The following CNTROB variants were observed in gnomAD, a reference collection of about 807,000 sequenced individuals.
CNTROB encodes the protein centrobin, centriole duplication and spindle assembly protein.
CNTROB carries 82 observed loss-of-function variants against 115.7 expected under a neutral mutation model. That is an observed-to-expected ratio of 0.71 (90% CI 0.59 to 0.85). The LOEUF is 0.85. CNTROB is among the 40% of genes least tolerant of loss of function. The pLI, the probability that CNTROB is intolerant of heterozygous loss-of-function variation, is 0.00. For missense variants in CNTROB, 1,014 were observed against 1,144.4 expected (o/e 0.89, Z 1.64); for synonymous variants, 439 against 456.4 (o/e 0.96, Z 0.49).
Position 7,944,158 on chromosome 17 carries a change from A to G in CNTROB, c.1481A>G (p.Gln494Arg). ...CAGGACCTGAGTGGACAGCACCAGC[A>G]GGAGCTGGCCAGTCAGCTAGCTCAG... ...QLQDLSGQHQ[Q>R]ELASQLAQFK... Residue 494 changes from glutamine to arginine, a missense_variant, in exon 11 of 19, where the codon CAG becomes CGG. Transcript: ENST00000563694. The surrounding 1 kb of genome is among the most constrained non-coding windows in gnomAD (Gnocchi z 4.0). The G allele has an allele frequency of 1.2e-6, 2 of 1,605,512 alleles. No homozygotes were observed. Among genetic ancestry groups the G allele is most frequent in the Non-Finnish European group, 1.7e-6 (2 of 1,172,108 alleles).
chr17:7,938,556 T>C (rs1406932202), intron 7 of CNTROB, among the ~76,000 whole-genome samples: 1 of 152,232 alleles, frequency 6.6e-6, no homozygotes, highest in African/African-American at 2.4e-5. Flanking sequence ...GAGTACTTAC[T>C]ATGTGCCTGA....
In CNTROB at chr17:7,932,827, G is replaced by C. The variant is rs1972666474; in HGVS notation, c.-253G>C. 3.8e-6 allele frequency: 2 copies of C among 519,680 alleles called. No individual in the cohort carries two copies. The highest frequency in any genetic ancestry group is 6.8e-6 in the Non-Finnish European group (2 of 293,020). 32.2% of individuals were successfully genotyped at this position (519,680 alleles called of 1,614,324 possible). A position where few individuals can be genotyped will look rare whatever the true frequency, so the allele number is the denominator to read the frequency against. On this transcript the variant is annotated 5_prime_UTR_variant, in exon 1 of 19. Transcript: ENST00000563694. ...TAGGTCTTCTGTCCGCACCCGCTCT[G>C]CGCTGCACCCTCTTAACGCTGTTCC...
At position 7,947,968 on chromosome 17, in the gene CNTROB, C is replaced by G. The variant is rs1974753229; in HGVS notation, c.2198C>G (p.Pro733Arg). ...GAGAACCCTTCTGTCGACCTGTTGCCCCCTAAGTCTGGTGAGTTCCAACTC... is the reference window on the plus strand; with the variant it reads ...GAGAACCCTTCTGTCGACCTGTTGCGCCCTAAGTCTGGTGAGTTCCAACTC... ...NNENPSVDLLPPKSGPLTVPS... is the reference protein window; with the variant it reads ...NNENPSVDLLRPKSGPLTVPS... Residue 733 changes from proline (P) to arginine (R), a missense_variant, in exon 15 of 19, where the codon CCC becomes CGC. By Grantham distance (103) the Pro-to-Arg change is moderately radical (BLOSUM62 -2). Coordinates refer to ENST00000563694, the MANE Select transcript of CNTROB (RefSeq NM_053051.5). The G allele has an allele frequency of 6.2e-7, 1 of 1,613,836 alleles. No homozygotes were observed. Among genetic ancestry groups the G allele is most frequent in the Non-Finnish European group, 8.5e-7 (1 of 1,179,782 alleles).
At chr17:7,946,132 CA>C in intron 13 of CNTROB, 146 bp downstream of exon 13, 1 of 706,768 alleles carries the variant, frequency 1.4e-6, no homozygotes, top group Non-Finnish European at 2.4e-6. Flanking sequence ...GAAATCTGCT[CA>C]CATTGGTCCA....
intron 13 of CNTROB, among the ~76,000 whole-genome samples, chr17:7,947,167 A>AG (rs1421261380): frequency 1.6e-5 from 2 of 124,838 alleles, no homozygotes; most frequent in Non-Finnish European, 3.3e-5. Flanking sequence ...TCTCAAAAAA[A>AG]AAAAAAAAAA....
chr17:7,945,781 G>T lies in CNTROB; in HGVS notation c.1788G>T (p.Glu596Asp). ...GGCCTCAGGAGCCCGAGAAGGAGGA[G>T]AGGAGGGTCTGGACTATGCCTCCCA... ...SPGPQEPEKEERRVWTMPPMA... is the reference protein window; with the variant it reads ...SPGPQEPEKEDRRVWTMPPMA... Residue 596 changes from glutamate to aspartate, a missense_variant, in exon 13 of 19, where the codon GAG (glutamate) becomes GAT (aspartate). Physicochemically the swap from Glu to Asp is conservative, Grantham distance 45. Coordinates refer to ENST00000563694, the MANE Select transcript of CNTROB (RefSeq NM_053051.5). The T allele has an allele frequency of 1.9e-6, 3 of 1,614,224 alleles. No individual in the cohort carries two copies. The South Asian group carries it at 3.3e-5, about 18-fold the overall frequency.
At position 7,936,688 on chromosome 17, in the gene CNTROB, T is replaced by C. The variant is rs1973220356; in HGVS notation, c.712-13T>C. On this transcript the variant is annotated splice_polypyrimidine_tract_variant and intron_variant, in intron 5 of 18. Transcript: ENST00000563694. ...AGTTATTTTGAAATTTCATCTTACTTGCCCTACCTAAGACCCTGGCCCGTG... is the reference window on the plus strand; with the variant it reads ...AGTTATTTTGAAATTTCATCTTACTCGCCCTACCTAAGACCCTGGCCCGTG... 2 of 1,157,538 alleles carry C rather than the reference T, an allele frequency of 1.7e-6. No individual in the cohort carries two copies. Among genetic ancestry groups the C allele is most frequent in the Non-Finnish European group, 2.6e-6 (2 of 762,528 alleles). 71.7% of individuals were successfully genotyped at this position (1,157,538 alleles called of 1,614,324 possible).
intron 1 of CNTROB, 51 bp downstream of exon 1, chr17:7,933,400 C>G (rs1203202287): frequency 6.5e-7 from 1 of 1,535,572 alleles, no homozygotes; most frequent in Admixed American, 2.0e-5. Flanking sequence ...ACCAGAGAGT[C>G]TTGGGATTGG....
rs900139525 is a variant in CNTROB at position 7,936,513 on chromosome 17, C to T, written c.711+31C>T. 3.4e-6 allele frequency: 3 copies of T among 874,630 alleles called. No homozygotes were observed. In the African/African-American group the frequency reaches 4.9e-5, roughly 14 times the overall value. The allele number at this position is 874,630 out of a possible 1,614,324, so 54.2% of individuals were successfully genotyped here. On this transcript the variant is annotated intron_variant, in intron 5 of 18. Coordinates refer to ENST00000563694, the MANE Select transcript of CNTROB (RefSeq NM_053051.5). ...AGGGTAGCAAAATGTGGGTGGGTCT[C>T]TCCATGAAGAGCATTAAGGAATAAT... is the stretch of plus-strand genomic sequence containing the variant.
chr17:7,936,918 C>T, intron 6 of CNTROB, 101 bp downstream of exon 6: 1 of 776,100 alleles, frequency 1.3e-6, no homozygotes, highest in South Asian at 1.5e-5. Context: ...ACAGATTGAC[C>T]TCAGTCTTGT....
In CNTROB at chr17:7,947,647, AC is replaced by A. The variant is rs1483552877; in HGVS notation, c.2072del (p.Pro691LeufsTer7). 2 of 1,613,816 alleles carry A rather than the reference AC, an allele frequency of 1.2e-6. No individual in the cohort carries two copies. Among genetic ancestry groups the A allele is most frequent in the South Asian group, 1.1e-5 (1 of 91,076 alleles). On this transcript the variant is annotated frameshift_variant, in exon 14 of 19. Coordinates refer to ENST00000563694, the MANE Select transcript of CNTROB (RefSeq NM_053051.5). LOFTEE classifies it high-confidence loss of function. ...ERPFPEEDPG[P>X]DGEGLLKQGL... ...GGCCATTCCCTGAGGAAGATCCTGGACCTGACGGGGAGGGCCTCCTAAAGCA... is the reference window on the plus strand; with the variant it reads ...GGCCATTCCCTGAGGAAGATCCTGGACTGACGGGGAGGGCCTCCTAAAGCA...
Position 7,943,839 on chromosome 17 carries a change from C to T in CNTROB, c.1446-284C>T, listed in dbSNP as rs983232660. ...ATGACCTGTGCTGTCTCCAGAGCTG[C>T]TCTGTCGGACTGAGCCTCCTCGCAG... On this transcript the variant is annotated intron_variant, in intron 10 of 18. Coordinates refer to ENST00000563694, the MANE Select transcript of CNTROB (RefSeq NM_053051.5). This position sits in a 1 kb window ranked among gnomAD's most constrained non-coding sequence, Gnocchi z 4.7. Among the ~76,000 whole-genome samples, 2 of 152,212 alleles carry T rather than the reference C, an allele frequency of 1.3e-5. No homozygotes were observed. Among genetic ancestry groups the T allele is most frequent in the African/African-American group, 4.8e-5 (2 of 41,448 alleles).
chr17:7,933,026 T>TA lies in CNTROB; in HGVS notation c.-51dup. The TA allele has an allele frequency of 6.3e-7, 1 of 1,577,590 alleles. No individual in the cohort carries two copies. The highest frequency in any genetic ancestry group is 1.2e-5 in the South Asian group (1 of 86,630). ...GTGAACTTTTCCTCCTGGACTTTGC[T>TA]AAAGCAGAACCTCCCAGCTCTTTGC... On this transcript the variant is annotated 5_prime_UTR_variant, in exon 1 of 19. Coordinates refer to ENST00000563694, the MANE Select transcript of CNTROB (RefSeq NM_053051.5).
chr17:7,949,418 A>G lies in CNTROB; in HGVS notation c.2620A>G (p.Thr874Ala). ...PSQAVPRRLA[T>A]APKTEKPPAR... ...CCAGGCTGTCCCTCGCCGCCTTGCT[A>G]CAGCCCCCAAGACTGAAAAACCTCC... The change falls in exon 19 of 19, where the codon ACA (threonine) becomes GCA (alanine). Residue 874 changes from threonine to alanine, a missense_variant. Physicochemically the swap from Thr to Ala is moderately conservative, Grantham distance 58. Transcript: ENST00000563694. The G allele has an allele frequency of 1.1e-5, 17 of 1,613,970 alleles. No individual in the cohort carries two copies. Among genetic ancestry groups the G allele is most frequent in the Non-Finnish European group, 1.4e-5 (17 of 1,179,986 alleles).
chr17:7,935,496 C>T (rs1973062147), intron 4 of CNTROB, among the ~76,000 whole-genome samples: 2 of 149,038 alleles, frequency 1.3e-5, no homozygotes, highest in African/African-American at 5.0e-5. Flanking sequence ...AGCGAGACTC[C>T]GTCTCAAAAA....
At chr17:7,937,556 C>A (rs1973330446) in intron 7 of CNTROB, among the ~76,000 whole-genome samples, 1 of 152,172 alleles carries the variant, frequency 6.6e-6, no homozygotes, top group African/African-American at 2.4e-5. Flanking sequence ...GTAATCCCAG[C>A]ACTTTGGGAG....
chr17:7,945,672 T>G, intron 12 of CNTROB, 56 bp from the exon 13 acceptor site: 1 of 1,549,642 alleles, frequency 6.5e-7, no homozygotes, highest in African/African-American at 1.4e-5. Flanking sequence ...GTACCATGTC[T>G]TATCTCTTTA....
Position 7,932,313 on chromosome 17 carries a change from C to T in CNTROB, c.-767C>T. 1 of 184,544 alleles carries T rather than the reference C, an allele frequency of 5.4e-6. No individual in the cohort carries two copies. 11.4% of individuals were successfully genotyped at this position (184,544 alleles called of 1,614,324 possible). ...GCCCCCCACTTTGGCAAATTGGGGA[C>T]TGAGGACTGGAAGGGTGGAGAGTAG... On this transcript the variant is annotated 5_prime_UTR_variant, in exon 1 of 19. Coordinates refer to ENST00000563694, the MANE Select transcript of CNTROB (RefSeq NM_053051.5).
Position 7,932,889 on chromosome 17 carries a change from A to G in CNTROB, c.-191A>G, listed in dbSNP as rs952288245. On this transcript the variant is annotated 5_prime_UTR_variant, in exon 1 of 19. It removes an upstream start codon present in the reference 5' UTR. Coordinates refer to ENST00000563694, the MANE Select transcript of CNTROB (RefSeq NM_053051.5). ...GAAAGGGATGCTTTTGCCCACTCCC[A>G]TGGCCCCTGGAACTGGTGGAAACCT... 2.6e-5 allele frequency: 16 copies of G among 623,028 alleles called. 1 individual carries two copies. The East Asian group carries it at 3.9e-4, about 15-fold the overall frequency. 38.6% of individuals were successfully genotyped at this position (623,028 alleles called of 1,614,324 possible).
Sources: gnomAD v4.1 joint callset for allele counts (sites outside exome capture counted in the v4.1 genomes callset) on GRCh38, gnomAD v4.1.1 for gene constraint, Gnocchi (gnomAD v3.1) non-coding constraint, MANE v1.5 for transcripts, NCBI Gene and HGNC (gene_info 2026-07-23, HGNC 2026-07-21) for gene names.